PRSS23: variants seen among roughly 807,000 people sequenced by gnomAD.
PRSS23 encodes the protein protease, serine 23.
A neutral mutation model predicts 34.7 loss-of-function variants in PRSS23; 25 were observed. The ratio of observed to expected loss-of-function variants is 0.72; its 90% CI spans 0.53 to 1.01. The LOEUF is 1.01. PRSS23 is among the 50% of genes least tolerant of loss of function. PRSS23 has a pLI of 0.00. For missense variants in PRSS23, 445 were observed against 475.6 expected, an observed-to-expected ratio of 0.94 and a Z score of 0.60; for synonymous variants, 176 against 186.6, an observed-to-expected ratio of 0.94 and a Z score of 0.46.
intron 2 of PRSS23, among the ~76,000 whole-genome samples, chr11:86,843,944 A>G (rs990020136): frequency 1.3e-5 from 2 of 152,224 alleles, no homozygotes; most frequent in Admixed American, 6.5e-5. Flanking sequence ...AAATCATTCT[A>G]CTATAAAGAC....
At chr11:86,928,702 A>AT (rs57710955) in intron 2 of PRSS23, among the ~76,000 whole-genome samples, 1 of 108,502 alleles carries the variant, frequency 9.2e-6, no homozygotes, top group Non-Finnish European at 2.0e-5. Flanking sequence ...AAAAAAAAAA[A>AT]AAAATTGGCA....
chr11:86,878,716 G>A (rs2134957210), intron 2 of PRSS23, among the ~76,000 whole-genome samples: 1 of 151,834 alleles, frequency 6.6e-6, no homozygotes, highest in Non-Finnish European at 1.5e-5. Flanking sequence ...GTCTCTGCCT[G>A]GCCGCCCATC....
intron 2 of PRSS23, among the ~76,000 whole-genome samples, chr11:86,878,579 G>A: frequency 6.6e-6 from 1 of 152,290 alleles, no homozygotes; most frequent in South Asian, 2.1e-4. Flanking sequence ...ATGGGGCCCA[G>A]GCTGGAGTGC....
chr11:86,808,457 C>T lies in PRSS23; in HGVS notation c.814C>T (p.Leu272=), dbSNP rs1948135065. ...KIGVSPPAKQ[L]PGGRIHFSGY... ...TGGGGTGAGCCCTCCTGCTAAGCAG[C>T]TGCCAGGGGGCAGAATTCACTTCTC... is the stretch of plus-strand genomic sequence containing the variant. Residue 272 remains leucine (L), a synonymous_variant, in exon 2 of 2, where the codon CTG becomes TTG. Transcript: ENST00000280258. The T allele has an allele frequency of 6.2e-7, 1 of 1,614,110 alleles. No homozygotes were observed. The highest frequency in any genetic ancestry group is 1.3e-5 in the African/African-American group (1 of 74,942).
chr11:86,868,732 T>A (rs922401778), intron 2 of PRSS23, among the ~76,000 whole-genome samples: 1 of 152,152 alleles, frequency 6.6e-6, no homozygotes, highest in South Asian at 2.1e-4. Context: ...GCAGCTTGCA[T>A]AGAGGGAAGC....
At chr11:86,840,163 A>T (rs1948436980) in intron 2 of PRSS23, among the ~76,000 whole-genome samples, 1 of 152,194 alleles carries the variant, frequency 6.6e-6, no homozygotes, top group Non-Finnish European at 1.5e-5. Flanking sequence ...GGCAAATTGG[A>T]TAAAGAGTCA....
At chr11:86,867,305 C>T (rs1293868547) in intron 2 of PRSS23, among the ~76,000 whole-genome samples, 1 of 152,332 alleles carries the variant, frequency 6.6e-6, no homozygotes, top group East Asian at 1.9e-4. Context: ...TTCTCTCATG[C>T]CTCTGTGTTC....
intron 2 of PRSS23, among the ~76,000 whole-genome samples, chr11:86,941,669 T>C (rs1305473016): frequency 6.6e-6 from 1 of 152,228 alleles, no homozygotes; most frequent in Non-Finnish European, 1.5e-5. Flanking sequence ...GTGTTCTATA[T>C]ACAGTAGACT....
At chr11:86,823,136 A>C (rs1441153901) in intron 1 of PRSS23, among the ~76,000 whole-genome samples, 1 of 152,264 alleles carries the variant, frequency 6.6e-6, no homozygotes, top group Non-Finnish European at 1.5e-5. Context: ...AAGAGGCTAC[A>C]TCTGGTGACC....
intron 1 of PRSS23, among the ~76,000 whole-genome samples, chr11:86,802,314 A>G (rs1948049693): frequency 6.6e-6 from 1 of 152,222 alleles, no homozygotes; most frequent in Admixed American, 6.5e-5. Context: ...TCATTTGACC[A>G]CAAGATTGTG....
intron 2 of PRSS23, among the ~76,000 whole-genome samples, chr11:86,897,534 A>C (rs372312821): frequency 3.3e-5 from 5 of 152,228 alleles, no homozygotes; most frequent in Admixed American, 3.3e-4. Flanking sequence ...GTGCAGTGGC[A>C]TAATCATATC....
chr11:86,903,138 C>A (rs915824831), intron 2 of PRSS23, among the ~76,000 whole-genome samples: 8 of 152,130 alleles, frequency 5.3e-5, no homozygotes, highest in African/African-American at 1.9e-4. Flanking sequence ...TTCCTTCCTA[C>A]CTTTCTTTTT....
intron 2 of PRSS23, chr11:86,832,672 A>G: frequency 2.5e-6 from 1 of 401,470 alleles, no homozygotes; most frequent in Non-Finnish European, 4.9e-6. Flanking sequence ...ACACATCTGA[A>G]CTCAGGTACC....
intron 2 of PRSS23, among the ~76,000 whole-genome samples, chr11:86,824,029 AAAG>A (rs1370202547): frequency 4.2e-4 from 63 of 150,382 alleles, no homozygotes; most frequent in African/African-American, 1.5e-3. Context: ...AAAAAAAAAA[AAAG>A]AATTCAGAGC....
downstream of PRSS23, among the ~76,000 whole-genome samples, chr11:86,814,183 T>C (rs909681179): frequency 6.6e-6 from 1 of 152,196 alleles, no homozygotes; most frequent in African/African-American, 2.4e-5. Flanking sequence ...AAATGAACTA[T>C]AGGATCTCTG....
chr11:86,895,475 TCC>T (rs773317526), intron 2 of PRSS23, among the ~76,000 whole-genome samples: 1,416 of 112,340 alleles, frequency 0.013, 32 homozygotes, highest in African/African-American at 0.042. Flanking sequence ...CTTTATTTTA[TCC>T]TTTTTTTTTT....
At chr11:86,848,057 T>C (rs1354553139) in intron 2 of PRSS23, among the ~76,000 whole-genome samples, 2 of 152,220 alleles carry the variant, frequency 1.3e-5, no homozygotes, top group African/African-American at 2.4e-5. Flanking sequence ...ACCCGAACTA[T>C]GTCCCTTACA....
rs1013713194 is a variant in PRSS23, at chr11:86,809,880, T to A, written c.*1085T>A. 4.2e-5 allele frequency: 7 copies of A among 167,066 alleles called. No individual in the cohort carries two copies. Among genetic ancestry groups the A allele is most frequent in the Non-Finnish European group, 1.0e-4 (7 of 68,118 alleles). The allele number at this position is 167,066 out of a possible 1,614,324, so 10.3% of individuals were successfully genotyped here. A position where few individuals can be genotyped will look rare whatever the true frequency, so the allele number is the denominator to read the frequency against. The stretch of plus-strand genomic sequence containing the variant: ...ATTCTGCATAGTTTTCAGTGTGCTT[T>A]CTGGGAGCTATGTACTTCTTCAATT... On this transcript the variant is annotated 3_prime_UTR_variant, in exon 2 of 2. Transcript: ENST00000280258.
chr11:86,793,275 A>G (rs957162985), intron 1 of PRSS23, among the ~76,000 whole-genome samples: 1 of 152,130 alleles, frequency 6.6e-6, no homozygotes, highest in Admixed American at 6.5e-5. Flanking sequence ...TTTTACAGGC[A>G]ATTTATTGAC....
Sources: gnomAD v4.1 joint callset for allele counts (sites outside exome capture counted in the v4.1 genomes callset) on GRCh38, gnomAD v4.1.1 for gene constraint, MANE v1.5 for transcripts, NCBI Gene and HGNC (gene_info 2026-07-23, HGNC 2026-07-21) for gene names.